The following THSD7B variants were observed in gnomAD, a reference collection of about 807,000 sequenced individuals.
The protein encoded by THSD7B is thrombospondin type-1 domain-containing protein 7B.
Under a neutral mutation model 213.6 loss-of-function variants are expected in THSD7B, and 138 were observed. The observed-to-expected ratio is 0.65, with a 90% confidence interval of 0.56 to 0.74. The LOEUF is 0.74. Ranked by LOEUF, THSD7B falls within the 30% of genes least tolerant of loss-of-function variation. THSD7B has a pLI of 0.00. For synonymous variants in THSD7B, 742 were observed against 687.0 expected, an observed-to-expected ratio of 1.08 and a Z score of -1.25; for missense variants, 1,931 against 1,991.5, an observed-to-expected ratio of 0.97 and a Z score of 0.58.
chr2:137,396,584 G>C (rs1209849483), intron 12 of THSD7B, among the ~76,000 whole-genome samples: 3 of 139,132 alleles, frequency 2.2e-5, no homozygotes, highest in Admixed American at 7.2e-5. Flanking sequence ...TTACTTCCAA[G>C]TATGTGGTCA....
At chr2:137,615,484 C>A (rs1422969948) in intron 17 of THSD7B, among the ~76,000 whole-genome samples, 3 of 152,082 alleles carry the variant, frequency 2.0e-5, no homozygotes, top group African/African-American at 4.8e-5. Flanking sequence ...TCTGGCAGGC[C>A]GGTTGACCTG....
chr2:137,454,388 T>TTCTATCTATCTA (rs144241982), intron 15 of THSD7B, among the ~76,000 whole-genome samples: 3 of 131,810 alleles, frequency 2.3e-5, no homozygotes, highest in South Asian at 3.0e-4. Context: ...TTCAGAGCCA[T>TTCTATCTATCTA]TCTATCTGTC....
At chr2:137,165,457 A>G (rs1680106269) in intron 6 of THSD7B, among the ~76,000 whole-genome samples, 1 of 151,984 alleles carries the variant, frequency 6.6e-6, no homozygotes. Flanking sequence ...TAGTCTTGTT[A>G]TTTCTACTGA....
Position 136,817,989 on chromosome 2 carries a change from CGATTCCTCAGG to C in THSD7B, c.-36+52306_-36+52316del, listed in dbSNP as rs1233426375. Among the ~76,000 whole-genome samples the C allele has an allele frequency of 5.4e-4, 80 of 148,846 alleles. 1 individual carries two copies. Among genetic ancestry groups the C allele is most frequent in the Non-Finnish European group, 1.0e-3 (66 of 66,318 alleles). ...TCAACCATTGTGGAAATCAGTGTGG[CGATTCCTCAGG>C]GATCTAGAACTGGAAATACCATTTG... On this transcript the variant is annotated intron_variant, in intron 1 of 27. Transcript: ENST00000409968.
At chr2:137,082,454 A>G (rs894639731) in intron 3 of THSD7B, among the ~76,000 whole-genome samples, 2 of 152,094 alleles carry the variant, frequency 1.3e-5, no homozygotes, top group African/African-American at 4.8e-5. Flanking sequence ...CACACCTGGA[A>G]GTCAAGATAG....
chr2:136,875,225 C>T (rs898782334), intron 1 of THSD7B, among the ~76,000 whole-genome samples: 2 of 152,128 alleles, frequency 1.3e-5, no homozygotes, highest in African/African-American at 4.8e-5. Flanking sequence ...AGTTTGAGAC[C>T]AGGCTGGCCA....
intron 2 of THSD7B, among the ~76,000 whole-genome samples, chr2:137,029,302 C>T (rs796589151): frequency 6.6e-5 from 10 of 152,150 alleles, no homozygotes; most frequent in African/African-American, 2.2e-4. Context: ...TGGTCTCGAA[C>T]TCCTGACCTC....
At chr2:137,279,553 A>G (rs1168574156) in intron 12 of THSD7B, among the ~76,000 whole-genome samples, 3 of 152,116 alleles carry the variant, frequency 2.0e-5, no homozygotes, top group Non-Finnish European at 4.4e-5. Flanking sequence ...AAACAATAAT[A>G]ATAATGAAAT....
chr2:137,180,547 A>G (rs769904567), intron 7 of THSD7B, among the ~76,000 whole-genome samples: 2 of 152,142 alleles, frequency 1.3e-5, no homozygotes, highest in Non-Finnish European at 2.9e-5. Flanking sequence ...AGGTACACTC[A>G]ATGTTTATAG....
intron 2 of THSD7B, among the ~76,000 whole-genome samples, chr2:136,900,397 C>T (rs1367798231): frequency 1.3e-5 from 2 of 151,964 alleles, no homozygotes; most frequent in African/African-American, 4.8e-5. Context: ...GTGTTGTTAT[C>T]GATCAATAGA....
intron 3 of THSD7B, among the ~76,000 whole-genome samples, chr2:137,082,756 T>G (rs1687769105): frequency 6.6e-6 from 1 of 152,128 alleles, no homozygotes; most frequent in Non-Finnish European, 1.5e-5. Context: ...TGTACCTACA[T>G]ATCATTCTTA....
intron 12 of THSD7B, among the ~76,000 whole-genome samples, chr2:137,309,606 C>T (rs1471763231): frequency 6.6e-6 from 1 of 152,062 alleles, no homozygotes. Context: ...GCTGCACCCA[C>T]TACCTCGTCA....
chr2:136,965,212 A>C (rs75716053), intron 2 of THSD7B, among the ~76,000 whole-genome samples: 1 of 152,152 alleles, frequency 6.6e-6, no homozygotes, highest in African/African-American at 2.4e-5. Flanking sequence ...CGGCTTCTAC[A>C]CTTGGTTTTC....
intron 1 of THSD7B, among the ~76,000 whole-genome samples, chr2:136,863,933 C>T (rs114826989): frequency 1.1e-3 from 174 of 152,270 alleles, no homozygotes; most frequent in African/African-American, 4.0e-3. Context: ...GGGTCTGCTT[C>T]CTGCTTGGCT....
intron 15 of THSD7B, among the ~76,000 whole-genome samples, chr2:137,538,058 A>G (rs145420635): frequency 2.0e-5 from 3 of 151,838 alleles, no homozygotes; most frequent in Non-Finnish European, 3.0e-5. Context: ...AGTCTGGTCT[A>G]TATGTCCTGT....
At chr2:136,994,069 C>T (rs1225269234) in intron 2 of THSD7B, among the ~76,000 whole-genome samples, 3 of 152,174 alleles carry the variant, frequency 2.0e-5, no homozygotes, top group African/African-American at 7.2e-5. Flanking sequence ...TTCAAGGTCA[C>T]TCAGCCATTG....
At chr2:137,388,439 G>A (rs928197867) in intron 12 of THSD7B, among the ~76,000 whole-genome samples, 9 of 151,558 alleles carry the variant, frequency 5.9e-5, no homozygotes, top group African/African-American at 2.2e-4. Flanking sequence ...ATGATACTTT[G>A]TTTTATACAG....
chr2:137,247,392 C>T (rs1682063774), intron 10 of THSD7B, among the ~76,000 whole-genome samples: 1 of 152,112 alleles, frequency 6.6e-6, no homozygotes. Context: ...ATACATTAAT[C>T]CCCACTTCCA....
At chr2:137,463,215 CA>C (rs960692304) in intron 15 of THSD7B, among the ~76,000 whole-genome samples, 1 of 152,096 alleles carries the variant, frequency 6.6e-6, no homozygotes, top group Non-Finnish European at 1.5e-5. Flanking sequence ...TAGCGTAAGC[CA>C]GGGGGCAACT....
Sources: gnomAD v4.1 joint callset for allele counts (sites outside exome capture counted in the v4.1 genomes callset) on GRCh38, gnomAD v4.1.1 for gene constraint, MANE v1.5 for transcripts, NCBI Gene and HGNC (gene_info 2026-07-23, HGNC 2026-07-21) for gene names.